MAPK14: variants seen among roughly 807,000 people sequenced by gnomAD.
The protein encoded by MAPK14 is mitogen-activated protein kinase 14.
MAPK14 carries 16 observed loss-of-function variants against 49.6 expected under a neutral mutation model. That is an observed-to-expected ratio of 0.32 (90% CI 0.22 to 0.49). The LOEUF is 0.49. Among genes scored for constraint, MAPK14 ranks in the 20% least tolerant of loss-of-function variants. MAPK14 has a pLI of 0.99. For synonymous variants in MAPK14, 142 were observed against 158.0 expected, an observed-to-expected ratio of 0.90 and a Z score of 0.76; for missense variants, 200 against 441.2, an observed-to-expected ratio of 0.45 and a Z score of 4.90.
At chr6:36,067,214 G>C (rs960917553) in intron 3 of MAPK14, among the ~76,000 whole-genome samples, 7 of 152,064 alleles carry the variant, frequency 4.6e-5, no homozygotes, top group Non-Finnish European at 7.4e-5. Flanking sequence ...AGATTAGCTA[G>C]TTTTAAAAGG....
At chr6:36,070,723 A>G (rs1326392365) in intron 3 of MAPK14, among the ~76,000 whole-genome samples, 2 of 152,336 alleles carry the variant, frequency 1.3e-5, no homozygotes, top group East Asian at 3.9e-4. Flanking sequence ...AGAACTGACC[A>G]TGGCAGCCCT....
intron 1 of MAPK14, among the ~76,000 whole-genome samples, chr6:36,043,726 T>C (rs1371416033): frequency 1.3e-5 from 2 of 152,086 alleles, no homozygotes; most frequent in Non-Finnish European, 1.5e-5. Flanking sequence ...CCTGAAATTG[T>C]ATGATCCGGA....
At chr6:36,124,144 C>T in the MAPK14 span, among the ~76,000 whole-genome samples, 3 of 108,748 alleles carry the variant, frequency 2.8e-5, no homozygotes, top group African/African-American at 4.0e-5. Flanking sequence ...CCCTCCCTCC[C>T]TCCCTCCCTT....
At chr6:36,090,148 TTTC>T (rs553759936) in intron 8 of MAPK14, among the ~76,000 whole-genome samples, 7 of 151,534 alleles carry the variant, frequency 4.6e-5, no homozygotes, top group Non-Finnish European at 1.0e-4. Context: ...TTTTTTTTTA[TTTC>T]TTCTTTTGCA....
At chr6:36,103,889 T>G (rs1765717865) in intron 10 of MAPK14, among the ~76,000 whole-genome samples, 1 of 152,242 alleles carries the variant, frequency 6.6e-6, no homozygotes, top group African/African-American at 2.4e-5. Flanking sequence ...CTGCATTTCT[T>G]TGCATCTGTT....
At chr6:36,054,864 C>G (rs73729698) in intron 2 of MAPK14, among the ~76,000 whole-genome samples, 21,035 of 152,170 alleles carry the variant, frequency 0.14, 1,786 homozygotes, top group African/African-American at 0.24. Flanking sequence ...CTCCCACAGG[C>G]AGCAGCAACA....
At chr6:36,104,807 C>A (rs1408581806) in intron 10 of MAPK14, among the ~76,000 whole-genome samples, 2 of 152,166 alleles carry the variant, frequency 1.3e-5, no homozygotes, top group Non-Finnish European at 2.9e-5. Flanking sequence ...TGTGTTAATT[C>A]ATTTTTTAGG....
intron 8 of MAPK14, among the ~76,000 whole-genome samples, chr6:36,077,991 CTCT>C (rs769505756): frequency 3.3e-5 from 5 of 152,160 alleles, no homozygotes; most frequent in African/African-American, 4.8e-5. Flanking sequence ...GCTCCCCTTC[CTCT>C]TCTTGTGTCT....
At chr6:36,118,828 G>T in the MAPK14 span, among the ~76,000 whole-genome samples, 1 of 152,146 alleles carries the variant, frequency 6.6e-6, no homozygotes, top group South Asian at 2.1e-4. Flanking sequence ...TGGCTGCTGT[G>T]CCCTCAACAA....
intron 8 of MAPK14, among the ~76,000 whole-genome samples, chr6:36,077,117 G>A (rs1275994097): frequency 1.3e-5 from 2 of 152,218 alleles, no homozygotes; most frequent in Non-Finnish European, 2.9e-5. Flanking sequence ...AGCTTACCAT[G>A]TAATGTACTT....
rs547326315 is a variant in MAPK14 at position 36,042,904 on chromosome 6, A to G, written c.117-9795A>G. Among the ~76,000 whole-genome samples the G allele has an allele frequency of 8.0e-5, 9 of 112,716 alleles. No homozygotes were observed. In the South Asian group the frequency reaches 1.2e-3, roughly 15 times the overall value. 73.9% of individuals were successfully genotyped at this position (112,716 alleles called of 152,430 possible). A position where few individuals can be genotyped will look rare whatever the true frequency, so the allele number is the denominator to read the frequency against. ...TGAGGCAGGTGAATTACTTGAGCTC[A>G]GGAGCTCAGGATTTCTAAACCAGCC... On this transcript the variant is annotated intron_variant, in intron 1 of 11. Transcript: ENST00000229794.
Position 36,059,356 on chromosome 6 carries a change from ATT to A in MAPK14, c.305+14_305+15del. 6.2e-7 allele frequency: 1 copy of A among 1,605,520 alleles called. No individual in the cohort carries two copies. Among genetic ancestry groups the A allele is most frequent in the Non-Finnish European group, 8.5e-7 (1 of 1,172,548 alleles). ...GAGGAATTCAATGATGTGTGAGTAA[ATT>A]TTTTGCATTTGCCTTCCTGGTCTAC... On this transcript the variant is annotated intron_variant, in intron 3 of 11. Coordinates refer to ENST00000229794, the MANE Select transcript of MAPK14 (RefSeq NM_139012.3).
intron 1 of MAPK14, among the ~76,000 whole-genome samples, chr6:36,051,502 C>A (rs1206395767): frequency 6.6e-6 from 1 of 152,196 alleles, no homozygotes; most frequent in Non-Finnish European, 1.5e-5. Context: ...GTCATCCCTT[C>A]CCACTCTCCC....
At chr6:36,042,659 ATT>A (rs1175269944) in intron 1 of MAPK14, among the ~76,000 whole-genome samples, 3 of 137,144 alleles carry the variant, frequency 2.2e-5, no homozygotes, top group African/African-American at 5.3e-5. Context: ...TGCCCACCTA[ATT>A]TTTTTTTTTT....
intron 8 of MAPK14, among the ~76,000 whole-genome samples, chr6:36,077,519 T>C (rs930562696): frequency 6.6e-6 from 1 of 152,020 alleles, no homozygotes; most frequent in African/African-American, 2.4e-5. Context: ...ACTAATTGAG[T>C]TTATAAACCA....
In MAPK14 at chr6:36,110,083, A is replaced by G. The variant is rs1462522543; in HGVS notation, c.*1636A>G. The G allele has an allele frequency of 6.6e-6, 1 of 152,256 alleles. No homozygotes were observed. The highest frequency in any genetic ancestry group is 1.5e-5 in the Non-Finnish European group (1 of 68,040). The allele number at this position is 152,256 out of a possible 1,614,324, so 9.4% of individuals were successfully genotyped here. ...TCAGGGGTGGAGAAGTGTCGTTTTC[A>G]TAACTTGCTGAATTTCAGGCATTTT... is the stretch of plus-strand genomic sequence containing the variant. On this transcript the variant is annotated 3_prime_UTR_variant, in exon 12 of 12. Coordinates refer to ENST00000229794, the MANE Select transcript of MAPK14 (RefSeq NM_139012.3).
intron 8 of MAPK14, among the ~76,000 whole-genome samples, chr6:36,089,866 C>T (rs139056913): frequency 3.3e-5 from 5 of 152,214 alleles, no homozygotes; most frequent in African/African-American, 1.2e-4. Context: ...ACGCTTAACA[C>T]TCTGCAGCTT....
chr6:36,079,223 TACC>T, intron 8 of MAPK14, among the ~76,000 whole-genome samples: 1 of 152,340 alleles, frequency 6.6e-6, no homozygotes, highest in South Asian at 2.1e-4. Flanking sequence ...AATCCAAAGC[TACC>T]TGTCACATAG....
chr6:36,120,764 G>A, the MAPK14 span, among the ~76,000 whole-genome samples: 5 of 152,160 alleles, frequency 3.3e-5, no homozygotes, highest in Non-Finnish European at 5.9e-5. Flanking sequence ...TCCTGTTGCC[G>A]CCCTCACTAG....
Sources: allele counts gnomAD v4.1 joint callset (sites outside exome capture counted in the v4.1 genomes callset), GRCh38; gene constraint gnomAD v4.1.1; transcripts MANE v1.5; gene names NCBI Gene and HGNC (gene_info 2026-07-23, HGNC 2026-07-21).